Variants in POLQ observed in about 807,000 individuals in gnomAD.
POLQ encodes the protein epididymis secretory sperm binding protein.
Under a neutral mutation model 259.2 loss-of-function variants are expected in POLQ, and 233 were observed. That is an observed-to-expected ratio of 0.90 (90% confidence interval 0.81 to 1.00). POLQ has a LOEUF of 1.00. Ranked by LOEUF, POLQ falls within the 50% of genes least tolerant of loss-of-function variation. The pLI is 0.00. For synonymous variants in POLQ, 1,025 were observed against 1,048.8 expected (o/e 0.98, Z 0.44); for missense variants, 2,871 against 3,051.6 (o/e 0.94, Z 1.39).
At chr3:121,540,311 C>G (rs79810183) in intron 3 of POLQ, among the ~76,000 whole-genome samples, 2,867 of 152,126 alleles carry the variant, frequency 0.019, 42 homozygotes, top group Middle Eastern at 0.037. Flanking sequence ...CCTAATTTTA[C>G]AAATAAAAAA....
chr3:121,507,803 G>A (rs1038316130), intron 12 of POLQ, among the ~76,000 whole-genome samples: 1 of 152,062 alleles, frequency 6.6e-6, no homozygotes, highest in Non-Finnish European at 1.5e-5. Flanking sequence ...TTTCCTCCCT[G>A]TCTAAATTCC....
chr3:121,470,757 C>G (rs1480338950), intron 22 of POLQ, among the ~76,000 whole-genome samples: 1 of 152,124 alleles, frequency 6.6e-6, no homozygotes, highest in Non-Finnish European at 1.5e-5. Flanking sequence ...ACTACAGGCA[C>G]AAGATACCAC....
chr3:121,501,593 C>A (rs1473617737), intron 12 of POLQ, among the ~76,000 whole-genome samples: 9 of 121,708 alleles, frequency 7.4e-5, no homozygotes, highest in African/African-American at 2.8e-4. Context: ...ACCCGGGAGG[C>A]GGAGCTTGCA....
At chr3:121,441,069 T>C (rs1328239876) in intron 26 of POLQ, among the ~76,000 whole-genome samples, 1 of 152,168 alleles carries the variant, frequency 6.6e-6, no homozygotes, top group East Asian at 1.9e-4. Flanking sequence ...TGATATGTAA[T>C]CAATAGCATG....
At position 121,490,044 on chromosome 3, in the gene POLQ, T is replaced by C; in HGVS notation, c.2887A>G (p.Arg963Gly). 6.4e-7 allele frequency: 1 copy of C among 1,573,994 alleles called. No individual in the cohort carries two copies. The highest frequency in any genetic ancestry group is 1.2e-5 in the South Asian group (1 of 82,954). The change falls in exon 16 of 30, where the codon AGA becomes GGA. Residue 963 changes from arginine (R) to glycine (G), a missense_variant. Arg to Gly is a moderately radical substitution (Grantham distance 125, BLOSUM62 -2). This residue lies in a region of POLQ where 2,080 missense variants were observed against 2,126.0 expected (regional missense o/e 0.98). Transcript: ENST00000264233. ...PNIVQDLNKS[R>G]EHTSSFNCNF... is the part of the protein sequence containing the mutation. ...CAATTAAAGGAACTTGTATGCTCTC[T>C]ACTTTTATTTAAGTCTTGCACTATA... is the stretch of plus-strand genomic sequence containing the variant.
intron 2 of POLQ, among the ~76,000 whole-genome samples, chr3:121,544,051 C>T (rs572484728): frequency 2.9e-4 from 44 of 151,774 alleles, no homozygotes; most frequent in Middle Eastern, 3.5e-3. Flanking sequence ...ATATACAACC[C>T]TGTACAAACA....
At chr3:121,466,363 CAAAAAAAAAA>C (rs751087085) in intron 24 of POLQ, among the ~76,000 whole-genome samples, 4 of 94,162 alleles carry the variant, frequency 4.2e-5, no homozygotes, top group African/African-American at 4.2e-5. Context: ...GACTCCGTCT[CAAAAAAAAAA>C]AAAAAAAAAG....
chr3:121,454,559 CA>C (rs978405345), intron 25 of POLQ, among the ~76,000 whole-genome samples: 7 of 151,020 alleles, frequency 4.6e-5, no homozygotes, highest in African/African-American at 1.5e-4. Flanking sequence ...AAATGGAAAA[CA>C]AAAAAAAGCA....
Position 121,488,664 on chromosome 3 carries a change from A to G in POLQ, c.4267T>C (p.Leu1423=), listed in dbSNP as rs751065032. 5.0e-6 allele frequency: 8 copies of G among 1,586,034 alleles called. No individual in the cohort carries two copies. In the African/African-American group the frequency reaches 6.7e-5, roughly 13 times the overall value. ...TTTAAAAAAAGACCATTTTCCTCCA[A>G]TAGTATTGGAGAATGGAAAATCGGG... ...ESPIFHSPIL[L]EENGLFLKKN... Residue 1423 remains leucine (L), a synonymous_variant, in exon 16 of 30, where the codon TTG becomes CTG. Transcript: ENST00000264233.
At chr3:121,439,529 GGCCAGATAGT>G (rs1281004513) in intron 27 of POLQ, among the ~76,000 whole-genome samples, 1 of 152,082 alleles carries the variant, frequency 6.6e-6, no homozygotes, top group Non-Finnish European at 1.5e-5. Flanking sequence ...CACTGTGCCT[GGCCAGATAGT>G]GCTTTTAAAA....
At chr3:121,449,220 A>G (rs988891902) in intron 26 of POLQ, 95 bp downstream of exon 26, 1 of 670,042 alleles carries the variant, frequency 1.5e-6, no homozygotes, top group African/African-American at 1.8e-5. Context: ...ACTTCTGACT[A>G]ATTGATATTT....
chr3:121,493,341 C>T (rs1011211284), intron 15 of POLQ, 137 bp downstream of exon 15: 1 of 623,108 alleles, frequency 1.6e-6, no homozygotes, highest in Non-Finnish European at 2.6e-6. Flanking sequence ...AAAAAGTAGC[C>T]ATATTTTCTT....
At position 121,539,338 on chromosome 3, in the gene POLQ, G is replaced by T. The variant is rs1019716397; in HGVS notation, c.631+95C>A. The T allele has an allele frequency of 3.6e-5, 34 of 951,800 alleles. No homozygotes were observed. The Admixed American group carries it at 8.1e-4, about 23-fold the overall frequency. The allele number at this position is 951,800 out of a possible 1,614,324, so 59.0% of individuals were successfully genotyped here. A position where few individuals can be genotyped will look rare whatever the true frequency, so the allele number is the denominator to read the frequency against. On this transcript the variant is annotated intron_variant, in intron 4 of 29. Transcript: ENST00000264233. ...TCCAGAAGTAGATAATAGACAATAG[G>T]AAAACAAATGGGACCTAGAGAAATC... is the stretch of plus-strand genomic sequence containing the variant.
rs773110058 is a variant in POLQ at position 121,440,042 on chromosome 3, G to A, written c.7339C>T (p.Arg2447Cys). ...TCTTTGATTCCTGGCAAATATCTAC[G>A]CCTTCCCAAAATGGTCTGAACAAAT... ...DGFVQTILGRRRYLPGIKDNN... is the reference protein window; with the variant it reads ...DGFVQTILGRCRYLPGIKDNN... Residue 2447 changes from arginine (R) to cysteine (C), a missense_variant, in exon 27 of 30, where the codon CGT (arginine) becomes TGT (cysteine). Physicochemically the swap from Arg to Cys is radical, Grantham distance 180. Transcript: ENST00000264233. 2.2e-5 allele frequency: 35 copies of A among 1,612,380 alleles called. No individual in the cohort carries two copies. In the South Asian group the frequency reaches 2.9e-4, roughly 13 times the overall value.
At position 121,437,927 on chromosome 3, in the gene POLQ, A is replaced by G. The variant is rs949733933; in HGVS notation, c.7390-1652T>C. ...TATGATGTATATGGAGCTCAAAAAA[A>G]TGCAAAACAAAACTATAGTGTTAGA... On this transcript the variant is annotated intron_variant, in intron 27 of 29. Transcript: ENST00000264233. 1.2e-4 allele frequency among the ~76,000 whole-genome samples: 19 copies of G among 152,334 alleles called. 1 individual carries two copies. Among genetic ancestry groups the G allele is most frequent in the Admixed American group, 8.5e-4 (13 of 15,304 alleles).
chr3:121,480,474 T>C (rs1011845659), intron 19 of POLQ, among the ~76,000 whole-genome samples: 1 of 152,084 alleles, frequency 6.6e-6, no homozygotes. Flanking sequence ...AAAAAATGCA[T>C]TTAATACCTC....
At chr3:121,452,181 C>T (rs2047683785) in intron 25 of POLQ, among the ~76,000 whole-genome samples, 1 of 152,204 alleles carries the variant, frequency 6.6e-6, no homozygotes, top group African/African-American at 2.4e-5. Flanking sequence ...CAGGTGCCAT[C>T]TGTCACAGCT....
chr3:121,432,097 G>C lies in POLQ; in HGVS notation c.*207C>G, dbSNP rs1198286591. ...GAAAGTGAATGTAACTATTATACTTGGTATTCTACTTCCCCCACGCCCCCA... is the reference window on the plus strand; with the variant it reads ...GAAAGTGAATGTAACTATTATACTTCGTATTCTACTTCCCCCACGCCCCCA... On this transcript the variant is annotated 3_prime_UTR_variant, in exon 30 of 30. Coordinates refer to ENST00000264233, the MANE Select transcript of POLQ (RefSeq NM_199420.4). 2 of 451,624 alleles carry C rather than the reference G, an allele frequency of 4.4e-6. No individual in the cohort carries two copies. The highest frequency in any genetic ancestry group is 4.1e-5 in the African/African-American group (2 of 49,070). 28.0% of individuals were successfully genotyped at this position (451,624 alleles called of 1,614,324 possible).
chr3:121,471,529 G>A (rs1004171091), intron 22 of POLQ, among the ~76,000 whole-genome samples: 2 of 152,006 alleles, frequency 1.3e-5, no homozygotes, highest in African/African-American at 4.8e-5. Context: ...ATCACCTGAG[G>A]TCAGGAGTTC....
Sources: allele counts gnomAD v4.1 joint callset (sites outside exome capture counted in the v4.1 genomes callset), GRCh38; gene constraint gnomAD v4.1.1; regional missense constraint gnomAD v4.1.1; transcripts MANE v1.5; gene names NCBI Gene and HGNC (gene_info 2026-07-23, HGNC 2026-07-21).